Variants in SLC24A2 observed in about 807,000 individuals in gnomAD.
SLC24A2 encodes the protein sodium/potassium/calcium exchanger 2.
A neutral mutation model predicts 62.0 loss-of-function variants in SLC24A2; 36 were observed. That is an observed-to-expected ratio of 0.58 (90% CI 0.44 to 0.77). The LOEUF (loss-of-function observed/expected upper bound fraction) is 0.77, where lower values mean the gene tolerates loss of function less well. Ranked by LOEUF, SLC24A2 falls within the 30% of genes least tolerant of loss-of-function variation. SLC24A2 has a pLI of 0.00. For missense variants in SLC24A2, 846 were observed against 817.9 expected (o/e 1.03, Z -0.42); for synonymous variants, 358 against 294.0 (o/e 1.22, Z -2.23).
the SLC24A2 span, among the ~76,000 whole-genome samples, chr9:19,906,755 A>C: frequency 6.6e-6 from 1 of 151,328 alleles, no homozygotes; most frequent in Non-Finnish European, 1.5e-5. Context: ...CTCGACATAT[A>C]CCCTCCCAAG....
At chr9:20,017,656 C>G in the SLC24A2 span, among the ~76,000 whole-genome samples, 1 of 152,304 alleles carries the variant, frequency 6.6e-6, no homozygotes, top group South Asian at 2.1e-4. Flanking sequence ...ATGCAGCCTT[C>G]AGTCTGTGGC....
intron 4 of SLC24A2, among the ~76,000 whole-genome samples, chr9:19,603,781 T>C (rs1032157304): frequency 2.6e-5 from 4 of 152,160 alleles, no homozygotes; most frequent in African/African-American, 7.2e-5. Flanking sequence ...AAAGTGAAAC[T>C]ATAACACCTC....
At position 19,783,225 on chromosome 9, in the gene SLC24A2, T is replaced by C. The variant is rs556401894; in HGVS notation, c.930+2712A>G. On this transcript the variant is annotated intron_variant, in intron 2 of 10. Coordinates refer to ENST00000341998, the MANE Select transcript of SLC24A2 (RefSeq NM_020344.4). ...TAGAGCCCAGCAGAGTTGACTTTTT[T>C]GCAAGAACCATTTGATGATTTGTAT... Among the ~76,000 whole-genome samples the C allele has an allele frequency of 3.3e-5, 5 of 152,324 alleles. No individual in the cohort carries two copies. In the East Asian group the frequency reaches 9.6e-4, roughly 29 times the overall value.
At chr9:20,216,470 C>T in the SLC24A2 span, among the ~76,000 whole-genome samples, 1 of 152,154 alleles carries the variant, frequency 6.6e-6, no homozygotes, top group East Asian at 1.9e-4. Context: ...GGTAATAAAG[C>T]TCTTACTGTC....
intron 8 of SLC24A2, among the ~76,000 whole-genome samples, chr9:19,545,775 A>G (rs1834534300): frequency 6.6e-6 from 1 of 151,880 alleles, no homozygotes; most frequent in Admixed American, 6.6e-5. Context: ...AGTAGCTGGG[A>G]CTACAGGCAC....
chr9:19,660,744 T>A (rs1211378994), intron 2 of SLC24A2, among the ~76,000 whole-genome samples: 4 of 152,156 alleles, frequency 2.6e-5, no homozygotes, highest in African/African-American at 9.7e-5. Context: ...GAAAGGAAAG[T>A]GTATTCTAGA....
At chr9:20,146,122 ATT>A in the SLC24A2 span, among the ~76,000 whole-genome samples, 1 of 152,142 alleles carries the variant, frequency 6.6e-6, no homozygotes, top group African/African-American at 2.4e-5. Flanking sequence ...TTTTTCACTG[ATT>A]TGTGTTACTA....
chr9:19,624,918 A>C (rs934292764), intron 2 of SLC24A2, among the ~76,000 whole-genome samples: 2 of 152,220 alleles, frequency 1.3e-5, no homozygotes, highest in African/African-American at 4.8e-5. Flanking sequence ...CAGTCCTGAC[A>C]ATATACAGCT....
At chr9:19,703,351 C>T (rs1181657122) in intron 2 of SLC24A2, among the ~76,000 whole-genome samples, 1 of 152,172 alleles carries the variant, frequency 6.6e-6, no homozygotes, top group African/African-American at 2.4e-5. Context: ...ATTCCAAATC[C>T]TGTGCTTTCT....
At chr9:19,556,595 T>G (rs759553210) in intron 7 of SLC24A2, among the ~76,000 whole-genome samples, 1 of 152,138 alleles carries the variant, frequency 6.6e-6, no homozygotes, top group Non-Finnish European at 1.5e-5. Context: ...TAAATCCCAG[T>G]TGAGGCTTGA....
the SLC24A2 span, among the ~76,000 whole-genome samples, chr9:20,081,021 A>C: frequency 1.0e-3 from 159 of 152,260 alleles, 1 homozygote; most frequent in South Asian, 0.026. Context: ...CACTTTTACA[A>C]TGTTGGTGGG....
chr9:19,573,702 C>G (rs1470062209), intron 6 of SLC24A2, among the ~76,000 whole-genome samples: 1 of 152,086 alleles, frequency 6.6e-6, no homozygotes, highest in Non-Finnish European at 1.5e-5. Context: ...ACCGTTCTTC[C>G]CCATGTCTTT....
the SLC24A2 span, among the ~76,000 whole-genome samples, chr9:20,191,496 C>T: frequency 6.6e-6 from 1 of 151,868 alleles, no homozygotes; most frequent in Admixed American, 6.6e-5. Flanking sequence ...TGTAACTGCA[C>T]AGCTAGTCCA....
the SLC24A2 span, among the ~76,000 whole-genome samples, chr9:20,072,968 C>T: frequency 6.6e-6 from 1 of 152,206 alleles, no homozygotes; most frequent in South Asian, 2.1e-4. Flanking sequence ...ATAGAGGTTA[C>T]GGGAAGGTAA....
the SLC24A2 span, among the ~76,000 whole-genome samples, chr9:19,995,519 G>C: frequency 6.6e-6 from 1 of 152,114 alleles, no homozygotes; most frequent in Non-Finnish European, 1.5e-5. Context: ...TTTTTCATAA[G>C]AACACTAGAT....
the SLC24A2 span, among the ~76,000 whole-genome samples, chr9:19,874,082 T>TTC: frequency 7.3e-6 from 1 of 136,902 alleles, no homozygotes; most frequent in African/African-American, 2.9e-5. Context: ...TTTCTTTTTT[T>TTC]TTTTTTTTTT....
chr9:19,886,623 T>C, the SLC24A2 span, among the ~76,000 whole-genome samples: 2 of 151,642 alleles, frequency 1.3e-5, no homozygotes, highest in Admixed American at 1.3e-4. Flanking sequence ...GTAAATTAGT[T>C]CACTGTGGAA....
intron 4 of SLC24A2, among the ~76,000 whole-genome samples, chr9:19,616,420 T>G (rs1179248214): frequency 6.6e-6 from 1 of 152,170 alleles, no homozygotes; most frequent in Non-Finnish European, 1.5e-5. Context: ...GTCACACAGC[T>G]AGTAAATGCA....
chr9:19,574,104 C>T (rs1369520025), intron 6 of SLC24A2, among the ~76,000 whole-genome samples: 2 of 152,070 alleles, frequency 1.3e-5, no homozygotes, highest in African/African-American at 4.8e-5. Flanking sequence ...ACAGGTTGAC[C>T]TCCAAGGGAC....
Sources: gnomAD v4.1 joint callset for allele counts (sites outside exome capture counted in the v4.1 genomes callset) on GRCh38, gnomAD v4.1.1 for gene constraint, MANE v1.5 for transcripts, NCBI Gene and HGNC (gene_info 2026-07-23, HGNC 2026-07-21) for gene names.